Variants in FNDC3B observed in about 807,000 individuals in gnomAD.
The protein encoded by FNDC3B is fibronectin type III domain containing 3B.
FNDC3B carries 12 observed loss-of-function variants against 151.5 expected under a neutral mutation model. The observed-to-expected ratio is 0.08, with a 90% confidence interval of 0.05 to 0.13. The LOEUF is 0.13. Among genes scored for constraint, FNDC3B ranks in the 10% least tolerant of loss-of-function variants. The pLI is 1.00. For synonymous variants in FNDC3B, 528 were observed against 549.0 expected, an observed-to-expected ratio of 0.96 and a Z score of 0.54; for missense variants, 1,214 against 1,505.3, an observed-to-expected ratio of 0.81 and a Z score of 3.20.
At chr3:172,213,596 C>A (rs1461934644) in intron 3 of FNDC3B, among the ~76,000 whole-genome samples, 1 of 152,148 alleles carries the variant, frequency 6.6e-6, no homozygotes, top group East Asian at 1.9e-4. Context: ...CATACTCTTG[C>A]TTAACCAGTG....
chr3:172,165,925 C>CAGAAGGGA, intron 3 of FNDC3B, among the ~76,000 whole-genome samples: 1 of 152,084 alleles, frequency 6.6e-6, no homozygotes, highest in East Asian at 1.9e-4. Flanking sequence ...CCTTAGTTAT[C>CAGAAGGGA]AGAAGGGAGT....
At chr3:172,331,000 A>ATT (rs11387515) in intron 13 of FNDC3B, among the ~76,000 whole-genome samples, 3 of 151,900 alleles carry the variant, frequency 2.0e-5, no homozygotes, top group Non-Finnish European at 4.4e-5. Flanking sequence ...GAAATTAACC[A>ATT]TTTTTATCTC....
intron 1 of FNDC3B, among the ~76,000 whole-genome samples, chr3:172,062,315 CTT>C (rs879410385): frequency 9.0e-5 from 13 of 144,290 alleles, no homozygotes; most frequent in Non-Finnish European, 1.7e-4. Flanking sequence ...TCTCCTCCTT[CTT>C]TTTTTTTTTT....
intron 11 of FNDC3B, among the ~76,000 whole-genome samples, chr3:172,313,622 G>GA: frequency 6.6e-6 from 1 of 152,178 alleles, no homozygotes; most frequent in East Asian, 1.9e-4. Flanking sequence ...TGTGATAGCT[G>GA]AAAAAGCAAA....
At chr3:172,193,818 A>G (rs1724684851) in intron 3 of FNDC3B, among the ~76,000 whole-genome samples, 1 of 152,192 alleles carries the variant, frequency 6.6e-6, no homozygotes. Context: ...TTCAAAAATA[A>G]CATCATCTTT....
chr3:172,233,819 A>C (rs1421491699), intron 4 of FNDC3B, among the ~76,000 whole-genome samples: 1 of 152,214 alleles, frequency 6.6e-6, no homozygotes, highest in Non-Finnish European at 1.5e-5. Flanking sequence ...CTTCAGAGGA[A>C]CTGATTTCTC....
intron 3 of FNDC3B, among the ~76,000 whole-genome samples, chr3:172,192,169 GTTTTTTGTTTTT>G (rs994187603): frequency 4.6e-5 from 4 of 87,364 alleles, no homozygotes; most frequent in African/African-American, 1.6e-4. Flanking sequence ...TTTTGTGTGT[GTTTTTTGTTTTT>G]TTTTTTTTTG....
chr3:172,271,675 A>G (rs1407259140), intron 6 of FNDC3B, among the ~76,000 whole-genome samples: 1 of 152,198 alleles, frequency 6.6e-6, no homozygotes, highest in Non-Finnish European at 1.5e-5. Flanking sequence ...ACTGGTCTCC[A>G]TGCTCCTATG....
intron 23 of FNDC3B, among the ~76,000 whole-genome samples, chr3:172,373,942 A>C (rs1319898182): frequency 6.6e-6 from 1 of 152,250 alleles, no homozygotes. Context: ...AGCAAGGGGA[A>C]CCAGACATTA....
At chr3:172,321,697 C>G (rs1412285522) in intron 11 of FNDC3B, 1 of 197,930 alleles carries the variant, frequency 5.1e-6, no homozygotes, top group Non-Finnish European at 9.8e-6. Flanking sequence ...TGCACCACCA[C>G]ACCCGGCTAA....
chr3:172,328,468 A>G (rs926779284), intron 11 of FNDC3B, among the ~76,000 whole-genome samples: 3 of 152,204 alleles, frequency 2.0e-5, no homozygotes, highest in African/African-American at 7.2e-5. Context: ...AGGGCCTTGT[A>G]TGGCACACTC....
intron 15 of FNDC3B, among the ~76,000 whole-genome samples, chr3:172,337,015 A>G (rs190566328): frequency 1.3e-5 from 2 of 152,306 alleles, no homozygotes; most frequent in African/African-American, 4.8e-5. Context: ...CATCAAATAT[A>G]TTAAAGAGCA....
chr3:172,182,373 C>T (rs747790010), intron 3 of FNDC3B, among the ~76,000 whole-genome samples: 7 of 152,160 alleles, frequency 4.6e-5, no homozygotes. Flanking sequence ...AGTGGCCAGC[C>T]TTGTGAATGT....
chr3:172,102,430 T>A (rs1719420329), intron 1 of FNDC3B, among the ~76,000 whole-genome samples: 1 of 152,192 alleles, frequency 6.6e-6, no homozygotes, highest in Non-Finnish European at 1.5e-5. Context: ...GTGTTATGCA[T>A]GTCTCTTAGG....
At chr3:172,366,662 G>A (rs193051465) in intron 23 of FNDC3B, among the ~76,000 whole-genome samples, 1 of 152,316 alleles carries the variant, frequency 6.6e-6, no homozygotes, top group Admixed American at 6.5e-5. Context: ...AGCAAATTAT[G>A]ATGTGGAAGG....
intron 25 of FNDC3B, among the ~76,000 whole-genome samples, chr3:172,394,799 T>C (rs2108397321): frequency 6.6e-6 from 1 of 152,178 alleles, no homozygotes; most frequent in Non-Finnish European, 1.5e-5. Context: ...AATAATAAAT[T>C]ACAGGCCAAT....
chr3:172,283,816 G>A (rs1230960956), intron 6 of FNDC3B, among the ~76,000 whole-genome samples: 1 of 151,882 alleles, frequency 6.6e-6, no homozygotes, highest in Non-Finnish European at 1.5e-5. Context: ...AAAATGTGAG[G>A]GTATGTCAAC....
intron 1 of FNDC3B, among the ~76,000 whole-genome samples, chr3:172,080,904 T>A (rs13089972): frequency 0.53 from 79,981 of 151,992 alleles, 21,658 homozygotes; most frequent in Admixed American, 0.59. Context: ...AGTAACTTAC[T>A]TAGGAATTCA....
At chr3:172,377,309 G>C (rs1000003703) in intron 23 of FNDC3B, among the ~76,000 whole-genome samples, 1 of 152,186 alleles carries the variant, frequency 6.6e-6, no homozygotes, top group Non-Finnish European at 1.5e-5. Context: ...GTGGTTCTCA[G>C]CGTGTCCACT....
Sources: gnomAD v4.1 joint callset for allele counts (sites outside exome capture counted in the v4.1 genomes callset) on GRCh38, gnomAD v4.1.1 for gene constraint, MANE v1.5 for transcripts, NCBI Gene and HGNC (gene_info 2026-07-23, HGNC 2026-07-21) for gene names.